The following RBFOX1 variants were observed in gnomAD, a reference collection of about 807,000 sequenced individuals.
The protein encoded by RBFOX1 is RNA binding protein fox-1 homolog 1.
RBFOX1 carries 8 observed loss-of-function variants against 57.7 expected under a neutral mutation model. The ratio of observed to expected loss-of-function variants is 0.14; its 90% CI spans 0.08 to 0.25. The LOEUF is 0.25. RBFOX1 is among the 10% of genes least tolerant of loss of function. The probability of loss-of-function intolerance (pLI) is 1.00; values close to 1 mark genes in which losing one functional copy is unlikely to be tolerated. For missense variants in RBFOX1, 611 were observed against 548.5 expected (o/e 1.11, Z -1.14); for synonymous variants, 326 against 222.4 (o/e 1.47, Z -4.15).
intron 7 of RBFOX1, among the ~76,000 whole-genome samples, chr16:7,591,430 CA>C (rs932340232): frequency 6.6e-6 from 1 of 151,208 alleles, no homozygotes; most frequent in Non-Finnish European, 1.5e-5. Flanking sequence ...TGCATGAATG[CA>C]AAAAAGGAAG....
chr16:7,653,928 C>A lies in RBFOX1; in HGVS notation c.871C>A (p.Pro291Thr). 6.4e-7 allele frequency: 1 copy of A among 1,551,032 alleles called. No individual in the cohort carries two copies. Among genetic ancestry groups the A allele is most frequent in the South Asian group, 1.2e-5 (1 of 84,666 alleles). Residue 291 changes from proline (P) to threonine (T), a missense_variant, in exon 12 of 16, where the codon CCG becomes ACG. Physicochemically the swap from Pro to Thr is conservative, Grantham distance 38 (BLOSUM62 -1). Around this residue, in one of 3 missense-constraint regions of RBFOX1, gnomAD observed 267 missense variants for 229.1 expected, o/e 1.17. Transcript: ENST00000550418. ...NTFRAAAPPPPIPAYGGVVYQ... is the reference protein window; with the variant it reads ...NTFRAAAPPPTIPAYGGVVYQ... Reference sequence around the variant, plus strand: ...CTTCAGGGCCGCGGCGCCCCCGCCCCCGATCCCGGCCTACGGCGGGTAAGT... The same window carrying A: ...CTTCAGGGCCGCGGCGCCCCCGCCCACGATCCCGGCCTACGGCGGGTAAGT...
intron 2 of RBFOX1, among the ~76,000 whole-genome samples, chr16:6,481,563 G>A (rs977665015): frequency 2.6e-5 from 4 of 152,192 alleles, no homozygotes; most frequent in African/African-American, 9.6e-5. Flanking sequence ...AGTGTGTGCT[G>A]GGTTAATAAT....
chr16:5,964,775 A>G (rs1261845678), intron 4 of RBFOX1, among the ~76,000 whole-genome samples: 2 of 151,960 alleles, frequency 1.3e-5, no homozygotes, highest in African/African-American at 4.8e-5. Context: ...ATATATATAC[A>G]CACATATACA....
chr16:7,631,196 G>A (rs1416587319), intron 11 of RBFOX1, among the ~76,000 whole-genome samples: 1 of 150,904 alleles, frequency 6.6e-6, no homozygotes, highest in Non-Finnish European at 1.5e-5. Flanking sequence ...GGAGCAGAGA[G>A]AGAAATGTGG....
chr16:6,596,187 A>T (rs182540883), intron 2 of RBFOX1, among the ~76,000 whole-genome samples: 5 of 151,668 alleles, frequency 3.3e-5, no homozygotes, highest in African/African-American at 1.2e-4. Context: ...TCTGTTTTTC[A>T]CCCCAAGGTC....
chr16:6,645,261 A>T (rs1481715619), intron 2 of RBFOX1, among the ~76,000 whole-genome samples: 1 of 152,148 alleles, frequency 6.6e-6, no homozygotes, highest in African/African-American at 2.4e-5. Context: ...CACAGACTCC[A>T]TTTGCAAACA....
Position 7,380,951 on chromosome 16 carries a change from T to G in RBFOX1, c.28-137196T>G, listed in dbSNP as rs140512795. Among the ~76,000 whole-genome samples the G allele has an allele frequency of 1.9e-3, 285 of 152,370 alleles. 1 individual carries two copies. Among genetic ancestry groups the G allele is most frequent in the African/African-American group, 6.7e-3 (278 of 41,576 alleles). On this transcript the variant is annotated intron_variant, in intron 4 of 15. Coordinates refer to ENST00000550418, the MANE Select transcript of RBFOX1 (RefSeq NM_018723.4). The stretch of plus-strand genomic sequence containing the variant: ...GAAAATGGAGAGAAAGAACAGTATT[T>G]TGAATCTCCAGAGTTCTCAGTGAAA...
At chr16:6,875,177 A>G (rs1401580547) in intron 3 of RBFOX1, among the ~76,000 whole-genome samples, 1 of 152,178 alleles carries the variant, frequency 6.6e-6, no homozygotes, top group Non-Finnish European at 1.5e-5. Flanking sequence ...GCACATAATC[A>G]TCTTCTTTGT....
At chr16:5,539,108 C>T (rs950225172) in intron 2 of RBFOX1, among the ~76,000 whole-genome samples, 2 of 152,084 alleles carry the variant, frequency 1.3e-5, no homozygotes, top group African/African-American at 4.8e-5. Flanking sequence ...TTGTGTCTTT[C>T]CGAGGGCACG....
intron 3 of RBFOX1, among the ~76,000 whole-genome samples, chr16:6,715,249 C>T (rs974004910): frequency 7.5e-6 from 1 of 134,194 alleles, no homozygotes; most frequent in Non-Finnish European, 1.6e-5. Context: ...TGAGGCAATG[C>T]AGGATAAAGT....
At chr16:6,109,408 T>C (rs533723057) in intron 1 of RBFOX1, among the ~76,000 whole-genome samples, 33 of 152,310 alleles carry the variant, frequency 2.2e-4, no homozygotes, top group African/African-American at 7.5e-4. Context: ...ACTGACTTAT[T>C]TTCTTCTTAT....
At chr16:6,862,848 G>C (rs1026297828) in intron 3 of RBFOX1, among the ~76,000 whole-genome samples, 5 of 151,824 alleles carry the variant, frequency 3.3e-5, no homozygotes, top group African/African-American at 1.2e-4. Flanking sequence ...AGCCAGTCAT[G>C]GTGGCCGGCA....
chr16:7,032,603 GT>G (rs936739045), intron 3 of RBFOX1, among the ~76,000 whole-genome samples: 1 of 135,820 alleles, frequency 7.4e-6, no homozygotes, highest in Non-Finnish European at 1.6e-5. Context: ...TTGTTTGTTT[GT>G]TTGTTTTGCT....
intron 4 of RBFOX1, among the ~76,000 whole-genome samples, chr16:7,476,762 G>A (rs2062808823): frequency 6.6e-6 from 1 of 152,106 alleles, no homozygotes; most frequent in African/African-American, 2.4e-5. Context: ...ACGAGACAAG[G>A]GGATGTCAGT....
rs114213031 is a variant in RBFOX1, at chr16:6,656,225, G to T, written c.-16+1575G>T. Reference sequence around the variant, plus strand: ...TCATGTCAGAGTGTTTAGAAAGCATGTTCCCCAACCTGCTTCCAAAGGTCA... The same window carrying T: ...TCATGTCAGAGTGTTTAGAAAGCATTTTCCCCAACCTGCTTCCAAAGGTCA... On this transcript the variant is annotated intron_variant, in intron 3 of 15. Transcript: ENST00000550418. Among the ~76,000 whole-genome samples the T allele has an allele frequency of 7.7e-3, 1,170 of 152,268 alleles. 13 individuals are homozygous for T. Among genetic ancestry groups the T allele is most frequent in the African/African-American group, 0.027 (1,109 of 41,540 alleles).
chr16:7,421,300 T>A (rs755122739), intron 4 of RBFOX1, among the ~76,000 whole-genome samples: 16 of 152,180 alleles, frequency 1.1e-4, no homozygotes, highest in Non-Finnish European at 2.4e-4. Context: ...GACACTTTCT[T>A]GTTTCTGATT....
chr16:6,514,459 C>G (rs1243346094), intron 2 of RBFOX1, among the ~76,000 whole-genome samples: 1 of 152,212 alleles, frequency 6.6e-6, no homozygotes, highest in Non-Finnish European at 1.5e-5. Context: ...TGAGATCACA[C>G]TTACCTCAAC....
At chr16:5,681,984 C>G (rs966065936) in intron 3 of RBFOX1, among the ~76,000 whole-genome samples, 1 of 151,950 alleles carries the variant, frequency 6.6e-6, no homozygotes, top group African/African-American at 2.4e-5. Flanking sequence ...ACACATCTCC[C>G]CCTTGTTGAA....
chr16:5,342,058 G>A (rs1300419991), intron 1 of RBFOX1, among the ~76,000 whole-genome samples: 3 of 152,212 alleles, frequency 2.0e-5, no homozygotes, highest in South Asian at 4.1e-4. Context: ...AAATCCTTTA[G>A]TGTAGCTTTT....
Sources: allele counts gnomAD v4.1 joint callset (sites outside exome capture counted in the v4.1 genomes callset), GRCh38; gene constraint gnomAD v4.1.1; regional missense constraint gnomAD v4.1.1; transcripts MANE v1.5; gene names NCBI Gene and HGNC (gene_info 2026-07-23, HGNC 2026-07-21).